The following WDR27 variants were observed in gnomAD, a reference collection of about 807,000 sequenced individuals.
The protein encoded by WDR27 is WD repeat-containing protein 27.
A neutral mutation model predicts 114.4 loss-of-function variants in WDR27; 100 were observed. The observed-to-expected ratio is 0.87, with a 90% confidence interval of 0.74 to 1.03. The LOEUF is 1.03. Ranked by LOEUF, WDR27 falls within the 50% of genes least tolerant of loss-of-function variation. The probability of loss-of-function intolerance (pLI) is 0.00; values close to 1 mark genes in which losing one functional copy is unlikely to be tolerated. For synonymous variants in WDR27, 449 were observed against 423.1 expected (o/e 1.06, Z -0.75); for missense variants, 1,129 against 1,092.9 (o/e 1.03, Z -0.47).
At chr6:169,607,427 T>C (rs62422538) in intron 22 of WDR27, among the ~76,000 whole-genome samples, 1,627 of 10,206 alleles carry the variant, frequency 0.16, 26 homozygotes, top group African/African-American at 0.26. Flanking sequence ...CACACACATA[T>C]AATATAATAT....
chr6:169,593,802 T>A (rs1180689269), intron 23 of WDR27, among the ~76,000 whole-genome samples: 1 of 152,078 alleles, frequency 6.6e-6, no homozygotes, highest in East Asian at 1.9e-4. Context: ...TGAGCTGAGA[T>A]CGCGGCACTG....
chr6:169,686,226 C>A (rs1338615046), intron 2 of WDR27, among the ~76,000 whole-genome samples: 1 of 152,036 alleles, frequency 6.6e-6, no homozygotes, highest in Non-Finnish European at 1.5e-5. Context: ...AGGATGATAT[C>A]CACCATCATG....
intron 17 of WDR27, 147 bp downstream of exon 17, chr6:169,643,550 A>G (rs9295020): frequency 0.45 from 269,203 of 594,812 alleles, 73,120 homozygotes; most frequent in East Asian, 0.94. Context: ...AGATCTCAGT[A>G]AATCTAGTTT....
Position 169,638,400 on chromosome 6 carries a change from G to A in WDR27, c.1869+139C>T, listed in dbSNP as rs563414700. The A allele has an allele frequency of 2.5e-5, 23 of 936,718 alleles. No individual in the cohort carries two copies. The East Asian group carries it at 7.2e-4, about 29-fold the overall frequency. 58.0% of individuals were successfully genotyped at this position (936,718 alleles called of 1,614,324 possible). A position where few individuals can be genotyped will look rare whatever the true frequency, so the allele number is the denominator to read the frequency against. ...GCATTGAAGCAATAACTTTTAATCA[G>A]TAACTTTTATTGCATTAAAGCAAAC... On this transcript the variant is annotated intron_variant, in intron 18 of 25. Transcript: ENST00000448612.
At chr6:169,651,068 A>T (rs1822320072) in intron 14 of WDR27, among the ~76,000 whole-genome samples, 2 of 150,798 alleles carry the variant, frequency 1.3e-5, no homozygotes, top group Admixed American at 1.3e-4. Flanking sequence ...CAGCAGTACC[A>T]CTGGGAGGGG....
At chr6:169,514,481 T>C (rs980629465) in intron 25 of WDR27, among the ~76,000 whole-genome samples, 1 of 147,892 alleles carries the variant, frequency 6.8e-6, no homozygotes, top group African/African-American at 2.5e-5. Flanking sequence ...CACATACAAA[T>C]ATATATGTAT....
chr6:169,546,574 C>T (rs1449875236), intron 25 of WDR27, among the ~76,000 whole-genome samples: 2 of 152,152 alleles, frequency 1.3e-5, no homozygotes, highest in African/African-American at 4.8e-5. Flanking sequence ...CTCTTCGTGC[C>T]ACTGAGCACA....
chr6:169,607,108 G>A (rs994001378), intron 22 of WDR27, among the ~76,000 whole-genome samples: 1 of 152,174 alleles, frequency 6.6e-6, no homozygotes, highest in Admixed American at 6.5e-5. Flanking sequence ...CAAGGATGCA[G>A]GGAAAAGGGA....
At chr6:169,612,507 G>A (rs913336759) in intron 22 of WDR27, among the ~76,000 whole-genome samples, 6 of 151,352 alleles carry the variant, frequency 4.0e-5, no homozygotes, top group South Asian at 2.1e-4. Flanking sequence ...AGCTGCTCAC[G>A]AGGCTGAGGC....
At chr6:169,534,756 T>A (rs1796022502) in intron 25 of WDR27, among the ~76,000 whole-genome samples, 1 of 151,978 alleles carries the variant, frequency 6.6e-6, no homozygotes. Context: ...GTTCCTGATT[T>A]TAGTAATTTG....
At chr6:169,596,615 T>A (rs1047060766) in intron 23 of WDR27, among the ~76,000 whole-genome samples, 2 of 152,056 alleles carry the variant, frequency 1.3e-5, no homozygotes, top group African/African-American at 2.4e-5. Flanking sequence ...CTTATTTTTT[T>A]TTGTATTATT....
the WDR27 span, among the ~76,000 whole-genome samples, chr6:169,446,411 G>A: frequency 1.3e-5 from 2 of 152,038 alleles, no homozygotes; most frequent in African/African-American, 4.8e-5. Flanking sequence ...GGGAAGGTGG[G>A]CAGGGGCCGG....
chr6:169,473,358 T>A, intron 25 of WDR27, among the ~76,000 whole-genome samples: 1 of 152,176 alleles, frequency 6.6e-6, no homozygotes, highest in Non-Finnish European at 1.5e-5. Flanking sequence ...TGGAACTCAA[T>A]GAACTAGTGT....
intron 21 of WDR27, among the ~76,000 whole-genome samples, chr6:169,624,919 C>T (rs566598466): frequency 1.2e-4 from 19 of 152,320 alleles, no homozygotes; most frequent in Middle Eastern, 3.4e-3. Flanking sequence ...CAAGAGCAGC[C>T]GTCCCACAGC....
intron 1 of WDR27, among the ~76,000 whole-genome samples, chr6:169,689,554 A>C (rs1783910602): frequency 6.6e-6 from 1 of 152,226 alleles, no homozygotes; most frequent in Non-Finnish European, 1.5e-5. Context: ...CAGTTAAGCT[A>C]CCACAGGTTC....
chr6:169,512,163 G>A (rs1316740701), intron 25 of WDR27, among the ~76,000 whole-genome samples: 2 of 152,080 alleles, frequency 1.3e-5, no homozygotes, highest in African/African-American at 2.4e-5. Context: ...CCTACAAATT[G>A]TAATAGCTTG....
intron 1 of WDR27, among the ~76,000 whole-genome samples, chr6:169,690,998 G>A (rs57877073): frequency 0.14 from 22,006 of 152,064 alleles, 2,053 homozygotes; most frequent in East Asian, 0.29. Flanking sequence ...GGCGGATCAC[G>A]AGGTCAGGAG....
chr6:169,479,779 G>A (rs1035691382), intron 25 of WDR27, among the ~76,000 whole-genome samples: 11 of 152,224 alleles, frequency 7.2e-5, no homozygotes, highest in African/African-American at 2.7e-4. Context: ...CTTGTGTTAT[G>A]GGAGTTTGTT....
intron 8 of WDR27, chr6:169,663,660 CAGG>C (rs1354409105): frequency 1.3e-5 from 2 of 157,702 alleles, no homozygotes; most frequent in East Asian, 1.9e-4. Context: ...CTGCAATGCG[CAGG>C]AGACCAGGTG....
Sources: gnomAD v4.1 joint callset for allele counts (sites outside exome capture counted in the v4.1 genomes callset) on GRCh38, gnomAD v4.1.1 for gene constraint, MANE v1.5 for transcripts, NCBI Gene and HGNC (gene_info 2026-07-23, HGNC 2026-07-21) for gene names.